The following FSTL4 variants were observed in gnomAD, a reference collection of about 807,000 sequenced individuals.
FSTL4 encodes the protein follistatin like 4.
FSTL4 carries 28 observed loss-of-function variants against 78.2 expected under a neutral mutation model. That is an observed-to-expected ratio of 0.36 (90% CI 0.27 to 0.49). The LOEUF is 0.49. FSTL4 is among the 20% of genes least tolerant of loss of function. The probability of loss-of-function intolerance (pLI) is 0.98; values close to 1 mark genes in which losing one functional copy is unlikely to be tolerated. For synonymous variants in FSTL4, 422 were observed against 440.5 expected, an observed-to-expected ratio of 0.96 and a Z score of 0.53; for missense variants, 922 against 1,084.9, an observed-to-expected ratio of 0.85 and a Z score of 2.11.
the FSTL4 span, among the ~76,000 whole-genome samples, chr5:133,662,488 C>T: frequency 5.3e-5 from 8 of 152,070 alleles, no homozygotes; most frequent in Non-Finnish European, 8.8e-5. Context: ...AGGCATACAC[C>T]GTGGAGGGAG....
At chr5:133,743,445 G>A in the FSTL4 span, among the ~76,000 whole-genome samples, 1 of 152,190 alleles carries the variant, frequency 6.6e-6, no homozygotes, top group Non-Finnish European at 1.5e-5. Context: ...TGAACTGCTG[G>A]TTCTACTGTT....
chr5:133,628,366 C>CTT, the FSTL4 span, among the ~76,000 whole-genome samples: 10 of 134,614 alleles, frequency 7.4e-5, no homozygotes, highest in African/African-American at 2.3e-4. Context: ...CTTTTCTTTT[C>CTT]TTTTTTTTTT....
chr5:133,353,276 A>G (rs1373281138), intron 4 of FSTL4, among the ~76,000 whole-genome samples: 1 of 152,256 alleles, frequency 6.6e-6, no homozygotes, highest in Non-Finnish European at 1.5e-5. Flanking sequence ...TGCCATTCAC[A>G]GCCAAGCCAG....
At chr5:133,233,793 T>C (rs1751575485) in intron 7 of FSTL4, among the ~76,000 whole-genome samples, 1 of 152,140 alleles carries the variant, frequency 6.6e-6, no homozygotes, top group South Asian at 2.1e-4. Context: ...CGAGGCCCGG[T>C]TTGAACACAT....
At chr5:133,288,444 C>T (rs1156527120) in intron 6 of FSTL4, among the ~76,000 whole-genome samples, 2 of 152,248 alleles carry the variant, frequency 1.3e-5, no homozygotes, top group African/African-American at 4.8e-5. Flanking sequence ...TCCTGGCCCG[C>T]TCACTGAATT....
At chr5:133,838,560 T>C in the FSTL4 span, among the ~76,000 whole-genome samples, 1 of 152,208 alleles carries the variant, frequency 6.6e-6, no homozygotes, top group African/African-American at 2.4e-5. Flanking sequence ...GCATGTCTGG[T>C]ACCCAGTCTG....
chr5:133,596,319 G>A (rs1382174139), intron 2 of FSTL4, among the ~76,000 whole-genome samples: 1 of 152,220 alleles, frequency 6.6e-6, no homozygotes, highest in African/African-American at 2.4e-5. Context: ...CACCTCTGAG[G>A]CTAGGCCAAC....
chr5:133,835,932 T>C, the FSTL4 span, among the ~76,000 whole-genome samples: 1 of 152,244 alleles, frequency 6.6e-6, no homozygotes, highest in Non-Finnish European at 1.5e-5. Flanking sequence ...TCCTAGTATG[T>C]TGACACTTTA....
intron 6 of FSTL4, among the ~76,000 whole-genome samples, chr5:133,307,783 C>CTTT (rs61206159): frequency 4.4e-5 from 6 of 137,218 alleles, no homozygotes; most frequent in Non-Finnish European, 9.3e-5. Context: ...TCCCAATTTT[C>CTTT]TTTTTTTTTT....
chr5:133,684,124 C>A, the FSTL4 span, among the ~76,000 whole-genome samples: 1 of 152,222 alleles, frequency 6.6e-6, no homozygotes, highest in Non-Finnish European at 1.5e-5. Flanking sequence ...AGTGATGCTA[C>A]TGCTCGGGCA....
intron 3 of FSTL4, among the ~76,000 whole-genome samples, chr5:133,409,923 G>C (rs1312734796): frequency 6.6e-6 from 1 of 152,150 alleles, no homozygotes; most frequent in East Asian, 1.9e-4. Context: ...TTTCCTCGTG[G>C]GTACGTGAGA....
intron 4 of FSTL4, among the ~76,000 whole-genome samples, chr5:133,332,947 G>A (rs1754381042): frequency 6.6e-6 from 1 of 152,212 alleles, no homozygotes; most frequent in Admixed American, 6.5e-5. Context: ...ATAGGCTCAG[G>A]TGCAGAGAGG....
At chr5:133,723,686 C>A in the FSTL4 span, among the ~76,000 whole-genome samples, 2 of 152,174 alleles carry the variant, frequency 1.3e-5, no homozygotes, top group Admixed American at 6.5e-5. Flanking sequence ...CCCTGAGAAA[C>A]AAGGGCATGC....
chr5:133,736,273 G>A, the FSTL4 span, among the ~76,000 whole-genome samples: 1 of 152,316 alleles, frequency 6.6e-6, no homozygotes, highest in South Asian at 2.1e-4. Flanking sequence ...CCTGTTAGAG[G>A]TTGTTTTCAA....
intron 3 of FSTL4, among the ~76,000 whole-genome samples, chr5:133,472,943 T>G (rs1285099560): frequency 1.3e-5 from 2 of 152,234 alleles, no homozygotes; most frequent in African/African-American, 4.8e-5. Context: ...ACTCTTGTAC[T>G]GTTCACCTTG....
intron 3 of FSTL4, among the ~76,000 whole-genome samples, chr5:133,434,055 T>C (rs1422415252): frequency 6.6e-6 from 1 of 152,056 alleles, no homozygotes; most frequent in African/African-American, 2.4e-5. Flanking sequence ...AACAGATTAC[T>C]ATGGCTATTG....
the FSTL4 span, among the ~76,000 whole-genome samples, chr5:133,826,178 C>T: frequency 7.9e-4 from 121 of 152,346 alleles, no homozygotes; most frequent in African/African-American, 2.6e-3. Flanking sequence ...GGGCAGCTTG[C>T]GATGTCACCA....
At chr5:133,393,385 C>T (rs1755906659) in intron 4 of FSTL4, among the ~76,000 whole-genome samples, 1 of 152,174 alleles carries the variant, frequency 6.6e-6, no homozygotes, top group Non-Finnish European at 1.5e-5. Context: ...ATACTGGTAT[C>T]CTCAGGTCCT....
At chr5:133,302,232 C>G (rs1057224310) in intron 6 of FSTL4, among the ~76,000 whole-genome samples, 3 of 152,040 alleles carry the variant, frequency 2.0e-5, no homozygotes, top group Non-Finnish European at 4.4e-5. Flanking sequence ...TACATGTGCC[C>G]CCTTCTACAT....
Sources: gnomAD v4.1 joint callset for allele counts (sites outside exome capture counted in the v4.1 genomes callset) on GRCh38, gnomAD v4.1.1 for gene constraint, MANE v1.5 for transcripts, NCBI Gene and HGNC (gene_info 2026-07-23, HGNC 2026-07-21) for gene names.